ATP6V0D2: variants seen among roughly 807,000 people sequenced by gnomAD.
ATP6V0D2 encodes V-type proton ATPase subunit d 2.
ATP6V0D2 carries 40 observed loss-of-function variants against 40.0 expected under a neutral mutation model. That is an observed-to-expected ratio of 1.00 (90% CI 0.78 to 1.30). The LOEUF (loss-of-function observed/expected upper bound fraction) is 1.30, where lower values mean the gene tolerates loss of function less well. ATP6V0D2 is among the 50% of genes most tolerant of loss of function. The pLI is 0.00. For synonymous variants in ATP6V0D2, 179 were observed against 156.3 expected (o/e 1.15, Z -1.08); for missense variants, 470 against 423.1 (o/e 1.11, Z -0.97).
At chr8:86,143,038 T>A in intron 5 of ATP6V0D2, 84 bp downstream of exon 5, 1 of 949,844 alleles carries the variant, frequency 1.1e-6, no homozygotes, top group Non-Finnish European at 1.6e-6. Context: ...TATTTCCTTA[T>A]CTTTGAATTT....
At chr8:86,138,134 A>C (rs965153040) in intron 2 of ATP6V0D2, among the ~76,000 whole-genome samples, 2 of 152,144 alleles carry the variant, frequency 1.3e-5, no homozygotes, top group Non-Finnish European at 2.9e-5. Flanking sequence ...GGCAAAGGAA[A>C]CACCCTGAGT....
In ATP6V0D2 at chr8:86,117,616, C is replaced by T. The variant is rs538144146; in HGVS notation, c.302+3736C>T. 1.3e-4 allele frequency among the ~76,000 whole-genome samples: 20 copies of T among 152,318 alleles called. No individual in the cohort carries two copies. In the East Asian group the frequency reaches 3.9e-3, roughly 29 times the overall value. On this transcript the variant is annotated intron_variant, in intron 2 of 7. Coordinates refer to ENST00000285393, the MANE Select transcript of ATP6V0D2 (RefSeq NM_152565.1). ...TTCCATGTTACTTACAGGCAAGACA[C>T]AGATGCTGATGTTTTCTAAGAATTC... is the stretch of plus-strand genomic sequence containing the variant.
chr8:86,138,194 T>G (rs1413318989), intron 2 of ATP6V0D2, among the ~76,000 whole-genome samples: 1 of 152,188 alleles, frequency 6.6e-6, no homozygotes, highest in Non-Finnish European at 1.5e-5. Flanking sequence ...CCCTTCTGCC[T>G]TGAAATGTGC....
intron 2 of ATP6V0D2, among the ~76,000 whole-genome samples, chr8:86,138,984 T>G (rs1818936054): frequency 6.6e-6 from 1 of 152,164 alleles, no homozygotes; most frequent in East Asian, 1.9e-4. Context: ...TTCCAGAATT[T>G]TGGGAGGCCA....
intron 2 of ATP6V0D2, among the ~76,000 whole-genome samples, chr8:86,122,365 A>G (rs1818681857): frequency 6.6e-6 from 1 of 152,206 alleles, no homozygotes. Flanking sequence ...ATCTTTAAAG[A>G]TTCATTCCTA....
chr8:86,123,335 A>G (rs1818697398), intron 2 of ATP6V0D2, among the ~76,000 whole-genome samples: 1 of 152,350 alleles, frequency 6.6e-6, no homozygotes, highest in African/African-American at 2.4e-5. Context: ...TCCAAATAGC[A>G]TTCCAAAAGT....
chr8:86,142,192 A>C (rs1371621214), intron 4 of ATP6V0D2, among the ~76,000 whole-genome samples: 1 of 152,200 alleles, frequency 6.6e-6, no homozygotes, highest in Admixed American at 6.5e-5. Flanking sequence ...TTTCAAAAGC[A>C]TTGTATTGCA....
chr8:86,124,249 G>A (rs1818710720), intron 2 of ATP6V0D2, among the ~76,000 whole-genome samples: 1 of 152,174 alleles, frequency 6.6e-6, no homozygotes, highest in Admixed American at 6.5e-5. Context: ...CAAGCATTTT[G>A]TGAATTGAAA....
At chr8:86,128,456 C>A (rs1199852753) in intron 2 of ATP6V0D2, among the ~76,000 whole-genome samples, 6 of 152,196 alleles carry the variant, frequency 3.9e-5, no homozygotes, top group African/African-American at 1.4e-4. Context: ...GTTGTCATCA[C>A]CAAGTTAAAT....
intron 2 of ATP6V0D2, among the ~76,000 whole-genome samples, chr8:86,123,315 A>C (rs1284263507): frequency 6.6e-6 from 1 of 152,226 alleles, no homozygotes; most frequent in Non-Finnish European, 1.5e-5. Context: ...AAGATGTGAT[A>C]TCAAGTCACT....
chr8:86,116,486 G>A (rs953894213), intron 2 of ATP6V0D2, among the ~76,000 whole-genome samples: 13 of 152,124 alleles, frequency 8.5e-5, no homozygotes, highest in African/African-American at 1.4e-4. Flanking sequence ...GATTATAGAC[G>A]TGCACCATCA....
At chr8:86,147,050 T>C (rs80001611) in intron 5 of ATP6V0D2, among the ~76,000 whole-genome samples, 2,375 of 152,224 alleles carry the variant, frequency 0.016, 63 homozygotes, top group African/African-American at 0.054. Flanking sequence ...AAATGCACTG[T>C]AGTATAATAT....
chr8:86,123,852 A>G (rs1451924316), intron 2 of ATP6V0D2, among the ~76,000 whole-genome samples: 2 of 152,132 alleles, frequency 1.3e-5, no homozygotes, highest in East Asian at 3.9e-4. Flanking sequence ...CATTATCATC[A>G]CTTTAATTTT....
intron 7 of ATP6V0D2, 121 bp downstream of exon 7, chr8:86,151,661 C>T (rs1458447675): frequency 2.8e-6 from 2 of 701,928 alleles, no homozygotes; most frequent in Non-Finnish European, 4.8e-6. Context: ...ACATTCATAG[C>T]TTGATAGTCA....
chr8:86,150,794 C>T (rs533011426), intron 6 of ATP6V0D2, among the ~76,000 whole-genome samples: 2 of 152,282 alleles, frequency 1.3e-5, no homozygotes, highest in South Asian at 4.2e-4. Flanking sequence ...CCTTCCCCCA[C>T]TCCAGCATCC....
At chr8:86,141,782 C>T (rs1818977835) in intron 4 of ATP6V0D2, among the ~76,000 whole-genome samples, 1 of 152,116 alleles carries the variant, frequency 6.6e-6, no homozygotes, top group African/African-American at 2.4e-5. Flanking sequence ...TTGCATGGTA[C>T]CTGGAACATA....
At chr8:86,130,476 AT>A (rs1341362529) in intron 2 of ATP6V0D2, among the ~76,000 whole-genome samples, 1 of 152,230 alleles carries the variant, frequency 6.6e-6, no homozygotes, top group Non-Finnish European at 1.5e-5. Context: ...TATGTTAAAA[AT>A]AATTTTACAA....
At chr8:86,100,269 T>C (rs1467960821) in intron 1 of ATP6V0D2, among the ~76,000 whole-genome samples, 1 of 152,166 alleles carries the variant, frequency 6.6e-6, no homozygotes, top group Non-Finnish European at 1.5e-5. Context: ...GTATTTTTAT[T>C]ATTAAAAACA....
At chr8:86,107,922 G>T (rs572741877) in intron 1 of ATP6V0D2, among the ~76,000 whole-genome samples, 3 of 152,264 alleles carry the variant, frequency 2.0e-5, no homozygotes, top group Admixed American at 2.0e-4. Flanking sequence ...GAAGTGTCTG[G>T]TTGTACATCT....
Sources: allele counts gnomAD v4.1 joint callset (sites outside exome capture counted in the v4.1 genomes callset), GRCh38; gene constraint gnomAD v4.1.1; transcripts MANE v1.5; gene names NCBI Gene and HGNC (gene_info 2026-07-23, HGNC 2026-07-21).